PTPRM: variants seen among roughly 807,000 people sequenced by gnomAD.
The protein encoded by PTPRM is receptor-type tyrosine-protein phosphatase mu.
Under a neutral mutation model 186.7 loss-of-function variants are expected in PTPRM, and 47 were observed. The observed-to-expected ratio is 0.25, with a 90% CI of 0.20 to 0.32. The LOEUF is 0.32. PTPRM is among the 10% of genes least tolerant of loss of function. The pLI, the probability that PTPRM is intolerant of heterozygous loss-of-function variation, is 1.00. For missense variants in PTPRM, 1,494 were observed against 1,865.0 expected (o/e 0.80, Z 3.66); for synonymous variants, 668 against 674.9 (o/e 0.99, Z 0.16).
In PTPRM at chr18:7,983,212, C is replaced by T. The variant is rs2082652813; in HGVS notation, c.1132+27798C>T. Among the ~76,000 whole-genome samples, 5 of 152,086 alleles carry T rather than the reference C, an allele frequency of 3.3e-5. No homozygotes were observed. The South Asian group carries it at 1.0e-3, about 32-fold the overall frequency. ...ACCTGAGTTCCACCTCCTGTCAGAT[C>T]AGCAGCGGCCATTAGATTTTCGTGG... On this transcript the variant is annotated intron_variant, in intron 7 of 32. Coordinates refer to ENST00000580170, the MANE Select transcript of PTPRM (RefSeq NM_001105244.2).
intron 15 of PTPRM, 139 bp downstream of exon 15, chr18:8,244,348 T>C (rs1209261324): frequency 6.0e-6 from 5 of 835,772 alleles, no homozygotes; most frequent in Middle Eastern, 3.2e-4. Context: ...TCATTTTCAG[T>C]GATCCTTTGT....
At chr18:7,786,432 A>G (rs1293303818) in intron 2 of PTPRM, among the ~76,000 whole-genome samples, 1 of 152,174 alleles carries the variant, frequency 6.6e-6, no homozygotes, top group Non-Finnish European at 1.5e-5. Flanking sequence ...TCTTAATTGT[A>G]TATTTCCTTG....
chr18:7,738,880 A>G (rs1383437868), intron 1 of PTPRM, among the ~76,000 whole-genome samples: 1 of 152,116 alleles, frequency 6.6e-6, no homozygotes, highest in Non-Finnish European at 1.5e-5. Context: ...TGCTGAGCAT[A>G]CTCAGATGTA....
At chr18:8,178,758 G>T (rs981357706) in intron 14 of PTPRM, among the ~76,000 whole-genome samples, 2 of 152,116 alleles carry the variant, frequency 1.3e-5, no homozygotes, top group Admixed American at 6.5e-5. Context: ...CTGCCCTCCA[G>T]CCTGGGCAAC....
chr18:7,648,640 G>A (rs2038622605), intron 1 of PTPRM, among the ~76,000 whole-genome samples: 1 of 152,212 alleles, frequency 6.6e-6, no homozygotes, highest in African/African-American at 2.4e-5. Flanking sequence ...TCAGGACAAA[G>A]CCTAATCCAG....
chr18:7,654,664 A>G (rs1029799118), intron 1 of PTPRM, among the ~76,000 whole-genome samples: 1 of 152,238 alleles, frequency 6.6e-6, no homozygotes, highest in Non-Finnish European at 1.5e-5. Context: ...AATCTTCTGC[A>G]TATGGCTAGT....
rs117937251 is a variant in PTPRM, at chr18:7,712,758, G to T, written c.74-61391G>T. ...CAATAGCCAAATCAATCAAGCGGAA[G>T]AACGGGTATCAGAGATTGAAGATCA... On this transcript the variant is annotated intron_variant, in intron 1 of 32. Transcript: ENST00000580170. 9.4e-3 allele frequency among the ~76,000 whole-genome samples: 1,435 copies of T among 151,930 alleles called. 51 individuals are homozygous for T. In the East Asian group the frequency reaches 0.1, roughly 11 times the overall value.
chr18:8,320,501 A>T (rs960515639), intron 22 of PTPRM, among the ~76,000 whole-genome samples: 1 of 152,216 alleles, frequency 6.6e-6, no homozygotes, highest in Non-Finnish European at 1.5e-5. Context: ...TACAAATCAC[A>T]TGTGGCTCCT....
chr18:8,383,222 C>CG (rs899164660), intron 29 of PTPRM, among the ~76,000 whole-genome samples: 9 of 130,064 alleles, frequency 6.9e-5, no homozygotes, highest in Non-Finnish European at 1.1e-4. Context: ...CGCTTGAACC[C>CG]GGGGGGCGGA....
At chr18:7,602,938 T>TATTATTATC (rs1248170089) in intron 1 of PTPRM, among the ~76,000 whole-genome samples, 1 of 143,750 alleles carries the variant, frequency 7.0e-6, no homozygotes, top group African/African-American at 2.6e-5. Context: ...TTATTATTAT[T>TATTATTATC]ATTATTTGAG....
chr18:7,679,806 C>CTGTG (rs748775426), intron 1 of PTPRM, among the ~76,000 whole-genome samples: 1 of 152,096 alleles, frequency 6.6e-6, no homozygotes. Flanking sequence ...AATAGGAAGA[C>CTGTG]TGTGCTCCAT....
chr18:7,887,912 A>G, intron 2 of PTPRM, 194 bp from the exon 3 acceptor site: 2 of 770,208 alleles, frequency 2.6e-6, no homozygotes, highest in Admixed American at 3.4e-5. Flanking sequence ...TACTATGTGC[A>G]CTCTTGAGAA....
chr18:7,961,880 A>G (rs1245407720), intron 7 of PTPRM, among the ~76,000 whole-genome samples: 2 of 152,224 alleles, frequency 1.3e-5, no homozygotes, highest in East Asian at 1.9e-4. Context: ...TTGTCTGCCT[A>G]GTATCTGCCT....
intron 7 of PTPRM, among the ~76,000 whole-genome samples, chr18:7,992,077 G>A (rs2083295098): frequency 6.6e-6 from 1 of 152,120 alleles, no homozygotes; most frequent in South Asian, 2.1e-4. Flanking sequence ...GAGCTACTTT[G>A]TGTAAAACTG....
intron 13 of PTPRM, among the ~76,000 whole-genome samples, chr18:8,120,547 T>C (rs897491047): frequency 3.3e-5 from 5 of 150,446 alleles, no homozygotes; most frequent in Admixed American, 2.0e-4. Flanking sequence ...GGCTGGAGTG[T>C]AGTGGCGCGA....
At position 7,963,656 on chromosome 18, in the gene PTPRM, G is replaced by C. The variant is rs79898193; in HGVS notation, c.1132+8242G>C. On this transcript the variant is annotated intron_variant, in intron 7 of 32. Transcript: ENST00000580170. ...GGAAAGAGCTGGAGATTGCAGTCGG[G>C]GGCCTGTGGCCTAGTCCTGCTGTCC... Among the ~76,000 whole-genome samples, 12 of 152,286 alleles carry C rather than the reference G, an allele frequency of 7.9e-5. No homozygotes were observed. In the South Asian group the frequency reaches 2.3e-3, roughly 29 times the overall value.
At chr18:8,313,841 G>A (rs1318355282) in intron 20 of PTPRM, among the ~76,000 whole-genome samples, 3 of 151,854 alleles carry the variant, frequency 2.0e-5, no homozygotes, top group Admixed American at 2.0e-4. Flanking sequence ...AACATACGAA[G>A]CACATCCCTT....
intron 1 of PTPRM, among the ~76,000 whole-genome samples, chr18:7,739,830 A>G (rs910237758): frequency 1.3e-5 from 2 of 152,162 alleles, no homozygotes; most frequent in Non-Finnish European, 1.5e-5. Flanking sequence ...TTCTACAGCT[A>G]TAGGTAATGT....
At chr18:7,588,941 C>T (rs1182578963) in intron 1 of PTPRM, among the ~76,000 whole-genome samples, 1 of 152,192 alleles carries the variant, frequency 6.6e-6, no homozygotes, top group Non-Finnish European at 1.5e-5. Flanking sequence ...CCTCAACCTA[C>T]TGGGCTCCAG....
Sources: gnomAD v4.1 joint callset for allele counts (sites outside exome capture counted in the v4.1 genomes callset) on GRCh38, gnomAD v4.1.1 for gene constraint, MANE v1.5 for transcripts, NCBI Gene and HGNC (gene_info 2026-07-23, HGNC 2026-07-21) for gene names.